The following TPST2 variants were observed in gnomAD, a reference collection of about 807,000 sequenced individuals.
The protein encoded by TPST2 is protein-tyrosine sulfotransferase 2.
In TPST2, 16 loss-of-function variants were observed where a neutral mutation model predicts 27.8. The observed-to-expected ratio is 0.58, with a 90% confidence interval of 0.39 to 0.88. The LOEUF is 0.88. TPST2 is among the 40% of genes least tolerant of loss of function. TPST2 has a pLI of 0.00. For missense variants in TPST2, 464 were observed against 543.1 expected, an observed-to-expected ratio of 0.85 and a Z score of 1.45; for synonymous variants, 229 against 231.7, an observed-to-expected ratio of 0.99 and a Z score of 0.10.
intron 1 of TPST2, among the ~76,000 whole-genome samples, chr22:26,547,791 G>C (rs1926205895): frequency 6.6e-6 from 1 of 152,196 alleles, no homozygotes; most frequent in South Asian, 2.1e-4. Context: ...CTCCAGCTTG[G>C]ATGACAGAAT....
intron 3 of TPST2, among the ~76,000 whole-genome samples, chr22:26,540,565 C>A (rs1925735036): frequency 6.6e-6 from 1 of 152,194 alleles, no homozygotes; most frequent in Non-Finnish European, 1.5e-5. Flanking sequence ...CAGACCGAGA[C>A]ACTGCCTCAA....
Position 26,544,666 on chromosome 22 carries a change from T to C in TPST2, c.-151A>G. 4.1e-6 allele frequency: 4 copies of C among 985,980 alleles called. No individual in the cohort carries two copies. Among genetic ancestry groups the C allele is most frequent in the Non-Finnish European group, 4.8e-6 (4 of 830,022 alleles). 61.1% of individuals were successfully genotyped at this position (985,980 alleles called of 1,614,324 possible). On this transcript the variant is annotated 5_prime_UTR_variant, in exon 2 of 7. Transcript: ENST00000338754. The stretch of plus-strand genomic sequence containing the variant: ...GTGCCTGTGTGCCAAGGCTGTCTGC[T>C]GGCAGAGCCCTGGAGAGGCAAAGGA...
intron 1 of TPST2, among the ~76,000 whole-genome samples, chr22:26,562,883 A>G (rs1232008722): frequency 6.6e-6 from 1 of 152,166 alleles, no homozygotes; most frequent in Non-Finnish European, 1.5e-5. Context: ...TCGGCCTCCC[A>G]AAGTGCTGGG....
chr22:26,544,423 G>A (rs905335902), intron 2 of TPST2, among the ~76,000 whole-genome samples, 181 bp downstream of exon 2: 6 of 152,164 alleles, frequency 3.9e-5, no homozygotes, highest in Non-Finnish European at 8.8e-5. Flanking sequence ...GATGCTTGCT[G>A]GGATGCAGCT....
chr22:26,584,684 A>T (rs553610971), intron 1 of TPST2, among the ~76,000 whole-genome samples: 1 of 152,098 alleles, frequency 6.6e-6, no homozygotes, highest in African/African-American at 2.4e-5. Context: ...AAACAAAAAA[A>T]CCCAAAACAA....
At chr22:26,531,009 C>T (rs1261306694) in intron 5 of TPST2, among the ~76,000 whole-genome samples, 2 of 128,934 alleles carry the variant, frequency 1.6e-5, no homozygotes, top group Non-Finnish European at 3.7e-5. Context: ...AACTCCATCT[C>T]AAAAACAAAA....
chr22:26,584,692 C>G (rs1268401820), intron 1 of TPST2, among the ~76,000 whole-genome samples: 1 of 147,388 alleles, frequency 6.8e-6, no homozygotes, highest in Admixed American at 6.8e-5. Flanking sequence ...AAACCCAAAA[C>G]AAAAAAAAAA....
chr22:26,546,146 C>T lies in TPST2; in HGVS notation c.-160-1471G>A, dbSNP rs183851588. Among the ~76,000 whole-genome samples the T allele has an allele frequency of 1.9e-4, 29 of 152,150 alleles. 1 individual carries two copies. The highest frequency in any genetic ancestry group is 1.3e-3 in the East Asian group (7 of 5,186). On this transcript the variant is annotated intron_variant, in intron 1 of 6. Coordinates refer to ENST00000338754, the MANE Select transcript of TPST2 (RefSeq NM_003595.5). The stretch of plus-strand genomic sequence containing the variant: ...TGCCATGATGGCAATAAACCGGCTG[C>T]AGGGTGTTGACTGCATTTCTTGGTC...
rs1345243594 is a variant in TPST2, at chr22:26,557,907, T to C, written c.-160-13232A>G. 2.0e-5 allele frequency among the ~76,000 whole-genome samples: 3 copies of C among 149,524 alleles called. No individual in the cohort carries two copies. In the East Asian group the frequency reaches 5.9e-4, roughly 29 times the overall value. The stretch of plus-strand genomic sequence containing the variant: ...ACAAAAAAATTAAAAATTAGCCGGG[T>C]GTGGTGGCATGCTCCTGTAGTCCCA... On this transcript the variant is annotated intron_variant, in intron 1 of 6. Coordinates refer to ENST00000338754, the MANE Select transcript of TPST2 (RefSeq NM_003595.5).
chr22:26,551,105 A>G (rs760611819), intron 1 of TPST2, among the ~76,000 whole-genome samples: 2 of 151,840 alleles, frequency 1.3e-5, no homozygotes, highest in Non-Finnish European at 2.9e-5. Flanking sequence ...ACCAGCCTGG[A>G]AAATAAGACA....
At chr22:26,549,684 A>G (rs575662633) in intron 1 of TPST2, among the ~76,000 whole-genome samples, 2 of 149,698 alleles carry the variant, frequency 1.3e-5, no homozygotes, top group African/African-American at 4.9e-5. Flanking sequence ...AAGAAAAAGA[A>G]AAAAGAAAAA....
chr22:26,556,913 GATTTT>G (rs1463460121), intron 1 of TPST2, among the ~76,000 whole-genome samples: 8 of 152,136 alleles, frequency 5.3e-5, no homozygotes, highest in Admixed American at 5.2e-4. Flanking sequence ...TGCATGTTCT[GATTTT>G]ATTTTAAGAA....
intron 5 of TPST2, among the ~76,000 whole-genome samples, chr22:26,530,836 C>T (rs952684639): frequency 3.3e-5 from 5 of 152,020 alleles, no homozygotes; most frequent in African/African-American, 9.7e-5. Flanking sequence ...ATGGCGAAAC[C>T]CCTTTCTACT....
At chr22:26,569,350 G>A (rs1047798128) in intron 1 of TPST2, among the ~76,000 whole-genome samples, 1 of 152,214 alleles carries the variant, frequency 6.6e-6, no homozygotes, top group Non-Finnish European at 1.5e-5. Context: ...GTGTCCTGGG[G>A]CAGGGAGGGG....
chr22:26,559,073 G>A (rs961768052), intron 1 of TPST2, among the ~76,000 whole-genome samples: 1 of 152,350 alleles, frequency 6.6e-6, no homozygotes. Flanking sequence ...TATTTAAAGT[G>A]TACAGTTCAT....
intron 1 of TPST2, among the ~76,000 whole-genome samples, chr22:26,559,974 T>G (rs976733626): frequency 1.3e-5 from 2 of 152,184 alleles, no homozygotes; most frequent in Non-Finnish European, 2.9e-5. Flanking sequence ...TCAATGTATA[T>G]GTATCATATA....
chr22:26,547,065 G>T (rs911797316), intron 1 of TPST2, among the ~76,000 whole-genome samples: 1 of 152,138 alleles, frequency 6.6e-6, no homozygotes, highest in East Asian at 1.9e-4. Context: ...AGAGGGAGAG[G>T]TAGGAGTCAA....
In TPST2 at chr22:26,539,091, A is replaced by G. The variant is rs574101308; in HGVS notation, c.842+1698T>C. Among the ~76,000 whole-genome samples the G allele has an allele frequency of 2.0e-5, 3 of 152,286 alleles. No homozygotes were observed. In the South Asian group the frequency reaches 6.2e-4, roughly 32 times the overall value. Reference sequence around the variant, plus strand: ...TTTGGTAATCTAATATTTTTGTCATAATAATTTATAAAATCCTAGCTCCAG... The same window carrying G: ...TTTGGTAATCTAATATTTTTGTCATGATAATTTATAAAATCCTAGCTCCAG... On this transcript the variant is annotated intron_variant, in intron 3 of 6. Coordinates refer to ENST00000338754, the MANE Select transcript of TPST2 (RefSeq NM_003595.5).
At chr22:26,553,212 C>T (rs1424512334) in intron 1 of TPST2, among the ~76,000 whole-genome samples, 2 of 151,980 alleles carry the variant, frequency 1.3e-5, no homozygotes, top group Non-Finnish European at 2.9e-5. Flanking sequence ...TGGGAGGACC[C>T]AGGTGGCCAG....
Sources: gnomAD v4.1 joint callset for allele counts (sites outside exome capture counted in the v4.1 genomes callset) on GRCh38, gnomAD v4.1.1 for gene constraint, MANE v1.5 for transcripts, NCBI Gene and HGNC (gene_info 2026-07-23, HGNC 2026-07-21) for gene names.